MLLT10: variants seen among roughly 807,000 people sequenced by gnomAD.
The protein encoded by MLLT10 is protein AF-10.
MLLT10 carries 30 observed loss-of-function variants against 129.1 expected under a neutral mutation model. The ratio of observed to expected loss-of-function variants is 0.23; its 90% CI spans 0.17 to 0.32. MLLT10 has a LOEUF of 0.32. Among genes scored for constraint, MLLT10 ranks in the 10% least tolerant of loss-of-function variants. The probability of loss-of-function intolerance (pLI) is 1.00; values close to 1 mark genes in which losing one functional copy is unlikely to be tolerated. For synonymous variants in MLLT10, 490 were observed against 446.4 expected (o/e 1.10, Z -1.23); for missense variants, 1,119 against 1,268.3 (o/e 0.88, Z 1.79).
intron 14 of MLLT10, among the ~76,000 whole-genome samples, chr10:21,725,509 A>G (rs1293411913): frequency 6.6e-6 from 1 of 152,050 alleles, no homozygotes; most frequent in East Asian, 2.0e-4. Flanking sequence ...ACCTGAGGTC[A>G]GGAGTTTGAG....
At chr10:21,612,486 T>C (rs376182866) in intron 6 of MLLT10, 35 bp downstream of exon 6, 318 of 1,335,328 alleles carry the variant, frequency 2.4e-4, no homozygotes, top group Non-Finnish European at 3.1e-4. Context: ...AGAACTGAAC[T>C]TGGTAAATAC....
rs201459372 is a variant in MLLT10 at position 21,554,816 on chromosome 10, CTT to C, written c.240+15906_240+15907del. On this transcript the variant is annotated intron_variant, in intron 3 of 22. Coordinates refer to ENST00000307729, the MANE Select transcript of MLLT10 (RefSeq NM_001195626.3). Reference sequence around the variant, plus strand: ...CTAATTTCTTCCTTTGTTTGTTTTTCTTTCTTTCTTTCTTTTTTTTTTTTAGA... The same window carrying C: ...CTAATTTCTTCCTTTGTTTGTTTTTCTCTTTCTTTCTTTTTTTTTTTTAGA... Among the ~76,000 whole-genome samples, 442 of 150,598 alleles carry C rather than the reference CTT, an allele frequency of 2.9e-3. 2 individuals carry two copies. Among genetic ancestry groups the C allele is most frequent in the East Asian group, 0.021 (109 of 5,088 alleles).
intron 3 of MLLT10, chr10:21,557,223 T>C: frequency 8.6e-7 from 1 of 1,163,632 alleles, no homozygotes; most frequent in Non-Finnish European, 1.1e-6. Context: ...TTGTGCTTAA[T>C]GATTGAGTTA....
intron 3 of MLLT10, among the ~76,000 whole-genome samples, chr10:21,557,339 T>C (rs944839200): frequency 1.3e-5 from 2 of 152,212 alleles, no homozygotes; most frequent in African/African-American, 4.8e-5. Flanking sequence ...ACATAAAAGA[T>C]CCACGTACAA....
chr10:21,546,063 G>T (rs774103677), intron 3 of MLLT10, among the ~76,000 whole-genome samples: 28 of 152,256 alleles, frequency 1.8e-4, no homozygotes, highest in African/African-American at 6.7e-4. Flanking sequence ...AGATACAGAA[G>T]AATTTTTAAA....
intron 8 of MLLT10, among the ~76,000 whole-genome samples, chr10:21,639,120 ACC>A (rs2047736496): frequency 3.9e-5 from 6 of 152,024 alleles, no homozygotes; most frequent in African/African-American, 1.2e-4. Flanking sequence ...TTCTCTCATC[ACC>A]AAACTGTCAA....
intron 13 of MLLT10, among the ~76,000 whole-genome samples, chr10:21,684,547 CT>C (rs1266216358): frequency 6.6e-6 from 1 of 151,952 alleles, no homozygotes; most frequent in East Asian, 1.9e-4. Context: ...ACTTCTTTTT[CT>C]TTTGTATTTC....
chr10:21,734,233 TAAG>T (rs1286759309), intron 20 of MLLT10, 104 bp downstream of exon 20: 2 of 1,407,080 alleles, frequency 1.4e-6, no homozygotes, highest in Non-Finnish European at 1.9e-6. Context: ...AGATACACCT[TAAG>T]AAGTCTGCCA....
At chr10:21,687,232 A>G (rs1349645691) in intron 13 of MLLT10, among the ~76,000 whole-genome samples, 1 of 152,194 alleles carries the variant, frequency 6.6e-6, no homozygotes, top group Non-Finnish European at 1.5e-5. Context: ...TTAGAGGTGA[A>G]CATTCTCCCT....
At position 21,742,052 on chromosome 10, in the gene MLLT10, C is replaced by T. The variant is rs1187175785; in HGVS notation, c.*69C>T. The stretch of plus-strand genomic sequence containing the variant: ...ACTTCATCTGGCTGCCTTTGCAGTC[C>T]TTTTACTACAGCTATGAAGAAACGC... On this transcript the variant is annotated 3_prime_UTR_variant, in exon 23 of 23. Coordinates refer to ENST00000307729, the MANE Select transcript of MLLT10 (RefSeq NM_001195626.3). 80 of 1,396,076 alleles carry T rather than the reference C, an allele frequency of 5.7e-5. 1 individual carries two copies. In the Middle Eastern group the frequency reaches 3.9e-3, roughly 68 times the overall value. The allele number at this position is 1,396,076 out of a possible 1,614,324, so 86.5% of individuals were successfully genotyped here.
At chr10:21,739,948 G>A (rs2058694838) in intron 21 of MLLT10, 82 bp from the exon 22 acceptor site, 1 of 1,094,022 alleles carries the variant, frequency 9.1e-7, no homozygotes, top group East Asian at 2.6e-5. Context: ...AATATTAAAG[G>A]AAAGAAAACA....
chr10:21,556,724 C>T, intron 3 of MLLT10: 1 of 1,612,238 alleles, frequency 6.2e-7, no homozygotes, highest in Non-Finnish European at 8.5e-7. Flanking sequence ...ATGTGCATCT[C>T]CCCACCCCCG....
At chr10:21,559,977 G>C (rs2038595778) in intron 3 of MLLT10, among the ~76,000 whole-genome samples, 1 of 151,994 alleles carries the variant, frequency 6.6e-6, no homozygotes. Flanking sequence ...CATTAGGAAT[G>C]AAGTTGCTGG....
At chr10:21,739,964 C>T in intron 21 of MLLT10, 66 bp from the exon 22 acceptor site, 1 of 1,238,646 alleles carries the variant, frequency 8.1e-7, no homozygotes, top group Non-Finnish European at 1.1e-6. Flanking sequence ...AAACATAAGG[C>T]AGCTCATCTG....
intron 9 of MLLT10, among the ~76,000 whole-genome samples, chr10:21,665,568 G>A (rs377171849): frequency 2.0e-5 from 3 of 152,088 alleles, no homozygotes; most frequent in African/African-American, 7.2e-5. Context: ...GATTACAGGT[G>A]TGAGCCACTG....
At position 21,634,471 on chromosome 10, in the gene MLLT10, C is replaced by T. The variant is rs186405558; in HGVS notation, c.700-17202C>T. On this transcript the variant is annotated intron_variant, in intron 8 of 22. Transcript: ENST00000307729. ...CATCATCCGTGATACTAAATTTGAT[C>T]CCTTGGTTAAGGTGTCGTCTACCAG... Among the ~76,000 whole-genome samples, 250 of 152,306 alleles carry T rather than the reference C, an allele frequency of 1.6e-3. 1 individual carries two copies. Among genetic ancestry groups the T allele is most frequent in the South Asian group, 3.1e-3 (15 of 4,820 alleles).
At chr10:21,653,292 AT>A (rs2049236028) in intron 9 of MLLT10, among the ~76,000 whole-genome samples, 2 of 152,134 alleles carry the variant, frequency 1.3e-5, no homozygotes, top group South Asian at 4.1e-4. Flanking sequence ...ATCTGCTTAT[AT>A]GCTTGGTCAG....
chr10:21,736,861 C>T (rs2058410358), intron 21 of MLLT10, among the ~76,000 whole-genome samples: 1 of 152,090 alleles, frequency 6.6e-6, no homozygotes, highest in Non-Finnish European at 1.5e-5. Context: ...GTGATGAGAG[C>T]CATCAGATTT....
intron 8 of MLLT10, among the ~76,000 whole-genome samples, chr10:21,630,927 A>G (rs1490248487): frequency 2.6e-5 from 4 of 152,224 alleles, no homozygotes; most frequent in African/African-American, 7.2e-5. Context: ...TTAACTCGCT[A>G]GCACACCCAC....
Sources: gnomAD v4.1 joint callset for allele counts (sites outside exome capture counted in the v4.1 genomes callset) on GRCh38, gnomAD v4.1.1 for gene constraint, MANE v1.5 for transcripts, NCBI Gene and HGNC (gene_info 2026-07-23, HGNC 2026-07-21) for gene names.